Variants in RANBP9 observed in about 807,000 individuals in gnomAD.
RANBP9 encodes the protein RAN binding protein 9.
RANBP9 carries 15 observed loss-of-function variants against 84.3 expected under a neutral mutation model. The observed-to-expected ratio is 0.18, with a 90% confidence interval of 0.12 to 0.27. The LOEUF is 0.27. RANBP9 is among the 10% of genes least tolerant of loss of function. The probability of loss-of-function intolerance (pLI) is 1.00; values close to 1 mark genes in which losing one functional copy is unlikely to be tolerated. For synonymous variants in RANBP9, 392 were observed against 349.6 expected, an observed-to-expected ratio of 1.12 and a Z score of -1.35; for missense variants, 809 against 912.8, an observed-to-expected ratio of 0.89 and a Z score of 1.46.
chr6:13,709,507 C>G (rs1238243756), intron 1 of RANBP9, among the ~76,000 whole-genome samples: 1 of 152,218 alleles, frequency 6.6e-6, no homozygotes, highest in African/African-American at 2.4e-5. Flanking sequence ...CATAACATAG[C>G]ACCGTTCACA....
rs1359029642 is a variant in RANBP9, at chr6:13,665,656, C to CA, written c.684-6825dup. On this transcript the variant is annotated intron_variant, in intron 2 of 13. Transcript: ENST00000011619. The stretch of plus-strand genomic sequence containing the variant: ...ATAAGAAAAATGAAGATGTGTCTAC[C>CA]AAAAAAATTTGTACAAATAGGTTCA... Among the ~76,000 whole-genome samples the CA allele has an allele frequency of 3.3e-5, 5 of 152,048 alleles. No homozygotes were observed. In the South Asian group the frequency reaches 1.0e-3, roughly 31 times the overall value.
intron 2 of RANBP9, among the ~76,000 whole-genome samples, chr6:13,668,133 TAAA>T (rs1475414165): frequency 6.6e-6 from 1 of 151,960 alleles, no homozygotes; most frequent in Non-Finnish European, 1.5e-5. Flanking sequence ...ACTACTAAAC[TAAA>T]AAGGATCATA....
At chr6:13,668,075 A>G in intron 2 of RANBP9, among the ~76,000 whole-genome samples, 1 of 152,060 alleles carries the variant, frequency 6.6e-6, no homozygotes, top group East Asian at 1.9e-4. Context: ...AAGCAAGAAA[A>G]ATAAAAGAAG....
intron 2 of RANBP9, among the ~76,000 whole-genome samples, 158 bp from the exon 3 acceptor site, chr6:13,658,990 G>A (rs568327286): frequency 5.9e-5 from 9 of 151,972 alleles, no homozygotes; most frequent in East Asian, 1.9e-4. Flanking sequence ...TAACAACAAC[G>A]GGCAATATTA....
chr6:13,658,832 A>G lies in RANBP9; in HGVS notation c.684T>C (p.Gly228=). ...GAGCAGAAAGACCAATTCCCATGTAACTGTTGGCGGAGGTTGGGGGAGAGA... is the reference window on the plus strand; with the variant it reads ...GAGCAGAAAGACCAATTCCCATGTAGCTGTTGGCGGAGGTTGGGGGAGAGA... ...EVKIVSKGRD[G]YMGIGLSAQG... Residue 228 remains glycine, a splice_region_variant and synonymous_variant, in exon 3 of 14, where the codon GGT becomes GGC. Transcript: ENST00000011619. The G allele has an allele frequency of 6.4e-7, 1 of 1,572,844 alleles. No homozygotes were observed. Among genetic ancestry groups the G allele is most frequent in the Non-Finnish European group, 8.8e-7 (1 of 1,142,766 alleles).
At chr6:13,640,553 C>T (rs1359721380) in intron 8 of RANBP9, among the ~76,000 whole-genome samples, 1 of 152,104 alleles carries the variant, frequency 6.6e-6, no homozygotes, top group Non-Finnish European at 1.5e-5. Context: ...CAGTATTATC[C>T]AAACAATGGA....
chr6:13,701,976 G>A (rs910809061), intron 1 of RANBP9, among the ~76,000 whole-genome samples: 1 of 152,124 alleles, frequency 6.6e-6, no homozygotes, highest in African/African-American at 2.4e-5. Flanking sequence ...CTCTCTGTCA[G>A]CCTCTCAAGC....
chr6:13,631,844 A>G (rs1764791428), intron 12 of RANBP9, among the ~76,000 whole-genome samples: 1 of 152,248 alleles, frequency 6.6e-6, no homozygotes, highest in South Asian at 2.1e-4. Context: ...ACAACAATCC[A>G]GAAGAGACTT....
chr6:13,638,677 CAAAAACAAAACCAA>C (rs1229233473), intron 9 of RANBP9, among the ~76,000 whole-genome samples: 1 of 151,734 alleles, frequency 6.6e-6, no homozygotes, highest in African/African-American at 2.4e-5. Context: ...TAAAAAGAAA[CAAAAACAAAACCAA>C]AAAAACCTGT....
At chr6:13,650,634 G>C (rs1765274911) in intron 5 of RANBP9, among the ~76,000 whole-genome samples, 1 of 152,166 alleles carries the variant, frequency 6.6e-6, no homozygotes, top group Non-Finnish European at 1.5e-5. Context: ...TTAACATCAT[G>C]AAAGTGACAG....
intron 2 of RANBP9, among the ~76,000 whole-genome samples, chr6:13,667,651 T>C (rs756314499): frequency 2.6e-5 from 4 of 152,152 alleles, no homozygotes; most frequent in African/African-American, 4.8e-5. Flanking sequence ...CACAAAACCA[T>C]TGTGTTACAA....
rs772887994 is a variant in RANBP9, at chr6:13,637,844, T to C, written c.1637A>G (p.Asn546Ser). Residue 546 changes from asparagine to serine, a missense_variant, in exon 10 of 14, where the codon AAT becomes AGT. Coordinates refer to ENST00000011619, the MANE Select transcript of RANBP9 (RefSeq NM_005493.3). ...ATTAACTTGCTGTGATCTTGACATA[T>C]TTATACTGTTTAGTTCTGGTACATT... Reference protein sequence around the residue: ...NLNVPELNSINMSRSQQVNNF... With the variant: ...NLNVPELNSISMSRSQQVNNF... 4 of 1,607,220 alleles carry C rather than the reference T, an allele frequency of 2.5e-6. No homozygotes were observed. Among genetic ancestry groups the C allele is most frequent in the South Asian group, 2.2e-5 (2 of 89,624 alleles).
chr6:13,695,481 A>C (rs1766424937), intron 2 of RANBP9, among the ~76,000 whole-genome samples: 2 of 151,324 alleles, frequency 1.3e-5, no homozygotes, highest in South Asian at 2.1e-4. Flanking sequence ...TTCAAATGCA[A>C]ACATTTGGTT....
chr6:13,646,797 AC>A (rs1765183675), intron 5 of RANBP9, among the ~76,000 whole-genome samples: 1 of 152,214 alleles, frequency 6.6e-6, no homozygotes, highest in Non-Finnish European at 1.5e-5. Flanking sequence ...TTTTACAAAT[AC>A]AGAAAAAATT....
chr6:13,661,418 C>T (rs1210554342), intron 2 of RANBP9, among the ~76,000 whole-genome samples: 1 of 151,236 alleles, frequency 6.6e-6, no homozygotes, highest in East Asian at 1.9e-4. Context: ...TTAAACTTCC[C>T]AATCAAAATA....
intron 13 of RANBP9, among the ~76,000 whole-genome samples, 195 bp from the exon 14 acceptor site, chr6:13,622,687 T>G (rs1667688852): frequency 6.6e-6 from 1 of 152,214 alleles, no homozygotes; most frequent in African/African-American, 2.4e-5. Context: ...GTGTGGGTAT[T>G]GTGTATTCAA....
intron 9 of RANBP9, among the ~76,000 whole-genome samples, chr6:13,638,865 G>A (rs996264841): frequency 5.3e-5 from 8 of 151,918 alleles, no homozygotes; most frequent in Non-Finnish European, 8.8e-5. Context: ...GGGGTGGGGG[G>A]AGAGGAGGGA....
intron 2 of RANBP9, among the ~76,000 whole-genome samples, chr6:13,671,379 A>G (rs1765774868): frequency 6.6e-6 from 1 of 152,240 alleles, no homozygotes; most frequent in African/African-American, 2.4e-5. Context: ...TTAACAGTCA[A>G]AAAGTGTTTC....
At position 13,658,793 on chromosome 6, in the gene RANBP9, C is replaced by G. The variant is rs751013088; in HGVS notation, c.723G>C (p.Met241Ile). Residue 241 changes from methionine (M) to isoleucine (I), a missense_variant, in exon 3 of 14, where the codon ATG (methionine) becomes ATC (isoleucine). Coordinates refer to ENST00000011619, the MANE Select transcript of RANBP9 (RefSeq NM_005493.3). Reference protein sequence around the residue: ...GIGLSAQGVNMNRLPGWDKHS... With the variant: ...GIGLSAQGVNINRLPGWDKHS... Reference sequence around the variant, plus strand: ...TTACAAGTGTACCTGGTAGTCTATTCATGTTCACACCTTGAGCAGAAAGAC... The same window carrying G: ...TTACAAGTGTACCTGGTAGTCTATTGATGTTCACACCTTGAGCAGAAAGAC... The G allele has an allele frequency of 6.3e-7, 1 of 1,574,856 alleles. No homozygotes were observed. Among genetic ancestry groups the G allele is most frequent in the Non-Finnish European group, 8.7e-7 (1 of 1,144,464 alleles).
Sources: allele counts gnomAD v4.1 joint callset (sites outside exome capture counted in the v4.1 genomes callset), GRCh38; gene constraint gnomAD v4.1.1; transcripts MANE v1.5; gene names NCBI Gene and HGNC (gene_info 2026-07-23, HGNC 2026-07-21).